CACNA1A: variants seen among roughly 807,000 people sequenced by gnomAD.
CACNA1A encodes calcium voltage-gated channel subunit alpha1 A, also known as voltage-dependent P/Q-type calcium channel subunit alpha-1A.
A neutral mutation model predicts 262.4 loss-of-function variants in CACNA1A; 57 were observed. That is an observed-to-expected ratio of 0.22 (90% CI 0.18 to 0.27). The LOEUF (loss-of-function observed/expected upper bound fraction) is 0.27, where lower values mean the gene tolerates loss of function less well. Ranked by LOEUF, CACNA1A falls within the 10% of genes least tolerant of loss-of-function variation. CACNA1A has a pLI of 1.00. For synonymous variants in CACNA1A, 1,431 were observed against 1,419.3 expected (o/e 1.01, Z -0.18); for missense variants, 2,526 against 3,562.8 (o/e 0.71, Z 7.41).
intron 3 of CACNA1A, among the ~76,000 whole-genome samples, chr19:13,399,068 C>T (rs1041533453): frequency 4.1e-4 from 62 of 152,204 alleles, no homozygotes; most frequent in African/African-American, 1.2e-3. Context: ...AAATGCTGCT[C>T]GGGGCTTGGA....
intron 35 of CACNA1A, among the ~76,000 whole-genome samples, chr19:13,230,481 C>G (rs1007308053): frequency 1.3e-5 from 2 of 151,870 alleles, no homozygotes; most frequent in Non-Finnish European, 2.9e-5. Flanking sequence ...AAGAGAGAAA[C>G]AGAGAGAGAT....
At chr19:13,388,007 G>A (rs762929455) in intron 3 of CACNA1A, among the ~76,000 whole-genome samples, 4 of 152,074 alleles carry the variant, frequency 2.6e-5, no homozygotes, top group Admixed American at 6.6e-5. Context: ...ATGTTAGCAT[G>A]GTTAGAAAGC....
intron 10 of CACNA1A, among the ~76,000 whole-genome samples, chr19:13,322,030 C>T (rs1282401967): frequency 2.0e-5 from 3 of 151,850 alleles, no homozygotes; most frequent in Admixed American, 1.3e-4. Context: ...GGTGAAACCC[C>T]GTATCTACTA....
At position 13,261,074 on chromosome 19, in the gene CACNA1A, A is replaced by G. The variant is rs578120678; in HGVS notation, c.4250+376T>C. On this transcript the variant is annotated intron_variant, in intron 26 of 46. Transcript: ENST00000360228. ...TATGGCAGAAATATTGTGTTTGATT[A>G]TAGGGCTGCCTTAGACCCAGCTGAG... The G allele has an allele frequency of 6.6e-5, 12 of 182,236 alleles. 1 individual carries two copies. In the South Asian group the frequency reaches 2.0e-3, roughly 31 times the overall value. The allele number at this position is 182,236 out of a possible 1,614,324, so 11.3% of individuals were successfully genotyped here.
At chr19:13,234,385 A>G (rs1035243568) in intron 34 of CACNA1A, among the ~76,000 whole-genome samples, 1 of 149,616 alleles carries the variant, frequency 6.7e-6, no homozygotes, top group Non-Finnish European at 1.5e-5. Flanking sequence ...AGCCCCCCCA[A>G]AAAACCTACA....
chr19:13,354,756 A>T (rs1297240357), intron 6 of CACNA1A, among the ~76,000 whole-genome samples: 1 of 152,164 alleles, frequency 6.6e-6, no homozygotes. Flanking sequence ...AGACGTAATT[A>T]GTTAAAATTA....
rs956241174 is a variant in CACNA1A, at chr19:13,207,251, C to T, written c.*62G>A. 1.4e-5 allele frequency: 21 copies of T among 1,454,714 alleles called. No individual in the cohort carries two copies. The highest frequency in any genetic ancestry group is 2.5e-5 in the Admixed American group (1 of 40,100). The allele number at this position is 1,454,714 out of a possible 1,614,324, so 90.1% of individuals were successfully genotyped here. A position where few individuals can be genotyped will look rare whatever the true frequency, so the allele number is the denominator to read the frequency against. On this transcript the variant is annotated 3_prime_UTR_variant, in exon 47 of 47. Coordinates refer to ENST00000360228, the MANE Select transcript of CACNA1A (RefSeq NM_001127222.2). The surrounding 1 kb of genome is among the most constrained non-coding windows in gnomAD (Gnocchi z 5.7). ...GGGCCCCCGCGGCCTCTGCGCGGCTCCTCGGGTGGGGTGTGTGCGTGGGGT... is the reference window on the plus strand; with the variant it reads ...GGGCCCCCGCGGCCTCTGCGCGGCTTCTCGGGTGGGGTGTGTGCGTGGGGT...
chr19:13,407,930 CAGTG>C (rs1347153988), intron 3 of CACNA1A, among the ~76,000 whole-genome samples: 1 of 151,966 alleles, frequency 6.6e-6, no homozygotes, highest in Non-Finnish European at 1.5e-5. Context: ...TTTCTCATGA[CAGTG>C]AGTGAGTTCT....
At chr19:13,394,151 T>C (rs2059769269) in intron 3 of CACNA1A, among the ~76,000 whole-genome samples, 1 of 152,176 alleles carries the variant, frequency 6.6e-6, no homozygotes, top group Non-Finnish European at 1.5e-5. Flanking sequence ...TCAATCCCCA[T>C]GATGACCCTA....
chr19:13,481,325 G>C (rs969253955), intron 1 of CACNA1A, among the ~76,000 whole-genome samples: 2 of 152,148 alleles, frequency 1.3e-5, no homozygotes, highest in Non-Finnish European at 2.9e-5. Flanking sequence ...GACAGCACTG[G>C]GGAACTTGGT....
chr19:13,278,943 T>C (rs2057218744), intron 22 of CACNA1A, among the ~76,000 whole-genome samples: 1 of 151,630 alleles, frequency 6.6e-6, no homozygotes, highest in Admixed American at 6.6e-5. Flanking sequence ...GCAGAGGGGA[T>C]GGTGGTGGGA....
intron 5 of CACNA1A, among the ~76,000 whole-genome samples, chr19:13,360,235 A>C (rs1036801118): frequency 2.8e-5 from 4 of 141,660 alleles, no homozygotes; most frequent in Non-Finnish European, 6.2e-5. Flanking sequence ...TTTTTAAAAA[A>C]ACTTATTAGG....
chr19:13,283,232 C>T (rs1354917035), intron 22 of CACNA1A, 35 bp downstream of exon 22: 13 of 1,603,946 alleles, frequency 8.1e-6, no homozygotes, highest in Non-Finnish European at 1.1e-5. Context: ...GGCAGAGCAG[C>T]CAGGCTAGGA....
intron 3 of CACNA1A, among the ~76,000 whole-genome samples, chr19:13,373,756 G>T (rs1008912566): frequency 6.6e-6 from 1 of 152,214 alleles, no homozygotes. Context: ...ATTACCCCTA[G>T]AGGAGAGATG....
At chr19:13,321,312 G>T (rs2058247764) in intron 10 of CACNA1A, among the ~76,000 whole-genome samples, 1 of 152,118 alleles carries the variant, frequency 6.6e-6, no homozygotes, top group Non-Finnish European at 1.5e-5. Flanking sequence ...GGCATTACAG[G>T]CATGAGATAC....
At position 13,457,141 on chromosome 19, in the gene CACNA1A, C is replaced by T. The variant is rs1251707636; in HGVS notation, c.294-1929G>A. Among the ~76,000 whole-genome samples the T allele has an allele frequency of 5.3e-5, 8 of 151,972 alleles. No homozygotes were observed. The East Asian group carries it at 1.4e-3, about 26-fold the overall frequency. ...TGGCGCAGGCCTGTAGTGCCAGCTA[C>T]TTGGGAGGCTGAGGAGAGAGGATTG... On this transcript the variant is annotated intron_variant, in intron 1 of 46. Coordinates refer to ENST00000360228, the MANE Select transcript of CACNA1A (RefSeq NM_001127222.2).
Position 13,433,316 on chromosome 19 carries a change from C to G in CACNA1A, c.539+19560G>C, listed in dbSNP as rs775010506. Among the ~76,000 whole-genome samples, 88 of 149,412 alleles carry G rather than the reference C, an allele frequency of 5.9e-4. 1 individual carries two copies. The highest frequency in any genetic ancestry group is 9.8e-4 in the Non-Finnish European group (66 of 67,478). ...TCAAAAAAAAAAAAAAAAAAATTAC[C>G]CAGGCATCATGGCGTGTGCCCATAG... On this transcript the variant is annotated intron_variant, in intron 3 of 46. Transcript: ENST00000360228.
intron 24 of CACNA1A, among the ~76,000 whole-genome samples, chr19:13,269,286 G>A (rs780899579): frequency 8.5e-5 from 13 of 152,192 alleles, no homozygotes; most frequent in Admixed American, 2.0e-4. Context: ...GCACCATTAT[G>A]ACCATTTTCC....
At chr19:13,283,597 A>G (rs1200262772) in intron 21 of CACNA1A, 4 of 574,816 alleles carry the variant, frequency 7.0e-6, no homozygotes, top group African/African-American at 5.6e-5. Flanking sequence ...CCTCGGTGAG[A>G]GAAGACATTC....
Sources: gnomAD v4.1 joint callset for allele counts (sites outside exome capture counted in the v4.1 genomes callset) on GRCh38, gnomAD v4.1.1 for gene constraint, Gnocchi (gnomAD v3.1) non-coding constraint, MANE v1.5 for transcripts, NCBI Gene and HGNC (gene_info 2026-07-23, HGNC 2026-07-21) for gene names.